The following RFXAP variants were observed in gnomAD, a reference collection of about 807,000 sequenced individuals.
The protein encoded by RFXAP is regulatory factor X-associated protein.
In RFXAP, 21 loss-of-function variants were observed where a neutral mutation model predicts 25.7. The ratio of observed to expected loss-of-function variants is 0.82; its 90% confidence interval spans 0.58 to 1.18. The LOEUF (loss-of-function observed/expected upper bound fraction) is 1.18, where lower values mean the gene tolerates loss of function less well. Ranked by LOEUF, RFXAP falls within the 50% of genes most tolerant of loss-of-function variation. The pLI, the probability that RFXAP is intolerant of heterozygous loss-of-function variation, is 0.00. For synonymous variants in RFXAP, 161 were observed against 152.2 expected (o/e 1.06, Z -0.43); for missense variants, 333 against 363.0 (o/e 0.92, Z 0.67).
Position 36,825,461 on chromosome 13 carries a change from C to T in RFXAP, c.634C>T (p.Gln212Ter). 6.2e-7 allele frequency: 1 copy of T among 1,612,878 alleles called. No individual in the cohort carries two copies. Reference sequence around the variant, plus strand: ...AGATAACATACTCTCCATTGTTAAACAAAGAACAGGATCTTTTGGGGATCG... The same window carrying T: ...AGATAACATACTCTCCATTGTTAAATAAAGAACAGGATCTTTTGGGGATCG... ...SADNILSIVK[Q>*]RTGSFGDRPA... The change falls in exon 2 of 3, where the codon CAA (glutamine) becomes TAA (stop). Residue 212 changes from glutamine to a stop codon, truncating the protein, a stop_gained. Transcript: ENST00000255476. LOFTEE classifies it high-confidence loss of function.
chr13:36,820,192 G>A (rs1379805502), intron 1 of RFXAP, among the ~76,000 whole-genome samples: 1 of 152,202 alleles, frequency 6.6e-6, no homozygotes, highest in East Asian at 1.9e-4. Context: ...TAAAAATAAT[G>A]TGACATCGGC....
intron 2 of RFXAP, 142 bp downstream of exon 2, chr13:36,825,677 A>C: frequency 1.8e-6 from 1 of 553,480 alleles, no homozygotes; most frequent in Non-Finnish European, 3.1e-6. Flanking sequence ...AATTTTAAAA[A>C]AAGAATCGGA....
intron 1 of RFXAP, among the ~76,000 whole-genome samples, chr13:36,823,931 G>A (rs772768839): frequency 2.0e-5 from 3 of 152,134 alleles, no homozygotes; most frequent in Non-Finnish European, 2.9e-5. Context: ...ATCACAAGGA[G>A]TATGTATTTC....
intron 1 of RFXAP, among the ~76,000 whole-genome samples, chr13:36,824,882 G>A (rs1372610732): frequency 6.6e-6 from 1 of 152,076 alleles, no homozygotes; most frequent in Non-Finnish European, 1.5e-5. Context: ...TTGGTTATCA[G>A]TTGCTTCTTT....
intron 2 of RFXAP, among the ~76,000 whole-genome samples, chr13:36,825,995 G>A (rs991821386): frequency 3.7e-4 from 56 of 152,022 alleles, no homozygotes; most frequent in Admixed American, 1.2e-3. Flanking sequence ...GCAACGTAGC[G>A]AGACCCCATC....
chr13:36,823,305 A>G (rs1218396345), intron 1 of RFXAP, among the ~76,000 whole-genome samples: 1 of 152,262 alleles, frequency 6.6e-6, no homozygotes, highest in Non-Finnish European at 1.5e-5. Context: ...AAAGAGAAGT[A>G]GGAATACAGA....
chr13:36,819,525 C>A lies in RFXAP; in HGVS notation c.168C>A (p.Asp56Glu). The change falls in exon 1 of 3, where the codon GAC becomes GAA. Residue 56 changes from aspartate (D) to glutamate (E), a missense_variant. Transcript: ENST00000255476. ...LLVMQPCAGQ[D>E]EAAAPGGSVG... Reference sequence around the variant, plus strand: ...TGATGCAACCCTGTGCTGGGCAGGACGAGGCTGCGGCCCCCGGGGGCAGCG... The same window carrying A: ...TGATGCAACCCTGTGCTGGGCAGGAAGAGGCTGCGGCCCCCGGGGGCAGCG... 6.5e-7 allele frequency: 1 copy of A among 1,531,446 alleles called. No homozygotes were observed. Among genetic ancestry groups the A allele is most frequent in the Non-Finnish European group, 8.8e-7 (1 of 1,137,342 alleles). 94.9% of individuals were successfully genotyped at this position (1,531,446 alleles called of 1,614,324 possible). A position where few individuals can be genotyped will look rare whatever the true frequency, so the allele number is the denominator to read the frequency against.
At chr13:36,820,009 T>A (rs1482314964) in intron 1 of RFXAP, 52 bp downstream of exon 1, 1 of 1,597,148 alleles carries the variant, frequency 6.3e-7, no homozygotes, top group South Asian at 1.1e-5. Flanking sequence ...AGAAACCCGA[T>A]CTTAACGCAA....
chr13:36,824,765 C>T (rs944447762), intron 1 of RFXAP, among the ~76,000 whole-genome samples: 3 of 152,098 alleles, frequency 2.0e-5, no homozygotes, highest in East Asian at 1.9e-4. Flanking sequence ...AGTGAAATCT[C>T]AGGGTAATGG....
chr13:36,820,590 A>T (rs1385028687), intron 1 of RFXAP, among the ~76,000 whole-genome samples: 1 of 152,122 alleles, frequency 6.6e-6, no homozygotes, highest in Non-Finnish European at 1.5e-5. Flanking sequence ...TACTTAATAT[A>T]CTTTGTTCTC....
intron 2 of RFXAP, 125 bp downstream of exon 2, chr13:36,825,660 A>G (rs2057975941): frequency 1.7e-6 from 1 of 590,170 alleles, no homozygotes; most frequent in Non-Finnish European, 2.9e-6. Context: ...AATTCCTAAT[A>G]AGTCAAAATT....
chr13:36,819,430 G>T lies in RFXAP; in HGVS notation c.73G>T (p.Ala25Ser). ...ASGVPHPAALAPAAAPTLAPA... is the reference protein window; with the variant it reads ...ASGVPHPAALSPAAAPTLAPA... The stretch of plus-strand genomic sequence containing the variant: ...CGGCGTGCCCCACCCCGCGGCCCTA[G>T]CCCCGGCTGCGGCTCCCACCTTGGC... Residue 25 changes from alanine (A) to serine (S), a missense_variant, in exon 1 of 3, where the codon GCC becomes TCC. Ala to Ser is a moderately conservative substitution (Grantham distance 99, BLOSUM62 1). Transcript: ENST00000255476. The T allele has an allele frequency of 6.9e-7, 1 of 1,443,430 alleles. No individual in the cohort carries two copies. The highest frequency in any genetic ancestry group is 9.1e-7 in the Non-Finnish European group (1 of 1,100,000). 89.4% of individuals were successfully genotyped at this position (1,443,430 alleles called of 1,614,324 possible).
Position 36,819,520 on chromosome 13 carries a change from C to A in RFXAP, c.163C>A (p.Gln55Lys). 1 of 1,532,964 alleles carries A rather than the reference C, an allele frequency of 6.5e-7. No homozygotes were observed. Among genetic ancestry groups the A allele is most frequent in the South Asian group, 1.2e-5 (1 of 81,968 alleles). The allele number at this position is 1,532,964 out of a possible 1,614,324, so 95.0% of individuals were successfully genotyped here. ...TLLVMQPCAG[Q>K]DEAAAPGGSV... Reference sequence around the variant, plus strand: ...GCTAGTGATGCAACCCTGTGCTGGGCAGGACGAGGCTGCGGCCCCCGGGGG... The same window carrying A: ...GCTAGTGATGCAACCCTGTGCTGGGAAGGACGAGGCTGCGGCCCCCGGGGG... The change falls in exon 1 of 3, where the codon CAG (glutamine) becomes AAG (lysine). Residue 55 changes from glutamine (Q) to lysine (K), a missense_variant. Gln to Lys is a moderately conservative substitution (Grantham distance 53). Transcript: ENST00000255476.
At chr13:36,822,992 A>G (rs2057967767) in intron 1 of RFXAP, among the ~76,000 whole-genome samples, 2 of 152,342 alleles carry the variant, frequency 1.3e-5, no homozygotes, top group South Asian at 4.1e-4. Flanking sequence ...GTGACTCAGT[A>G]TAAACCAGAA....
intron 1 of RFXAP, among the ~76,000 whole-genome samples, chr13:36,821,214 TAAAAAAAAAAAAAAA>T: frequency 9.5e-6 from 1 of 104,844 alleles, no homozygotes; most frequent in East Asian, 2.4e-4. Flanking sequence ...CCTGTCTCCT[TAAAAAAAAAAAAAAA>T]AAAAAAAAAA....
chr13:36,824,601 A>T (rs527504157), intron 1 of RFXAP, among the ~76,000 whole-genome samples: 1 of 152,256 alleles, frequency 6.6e-6, no homozygotes, highest in Admixed American at 6.5e-5. Flanking sequence ...AGAATTTTGG[A>T]TGTGGTATTG....
At chr13:36,827,621 A>G (rs1401078705) in intron 2 of RFXAP, 22 bp from the exon 3 acceptor site, 2 of 1,540,808 alleles carry the variant, frequency 1.3e-6, no homozygotes, top group African/African-American at 2.7e-5. Flanking sequence ...GCTATTAATA[A>G]TTTTTTTCTT....
Position 36,828,001 on chromosome 13 carries a change from A to G in RFXAP, c.*248A>G, listed in dbSNP as rs2057983795. On this transcript the variant is annotated 3_prime_UTR_variant, in exon 3 of 3. Coordinates refer to ENST00000255476, the MANE Select transcript of RFXAP (RefSeq NM_000538.4). ...ATTTAATTATAATGTTTTTTAAAAAATATATTCCTCTTCAGTCATTGTTAC... is the reference window on the plus strand; with the variant it reads ...ATTTAATTATAATGTTTTTTAAAAAGTATATTCCTCTTCAGTCATTGTTAC... The G allele has an allele frequency of 4.4e-6, 2 of 451,508 alleles. No homozygotes were observed. The highest frequency in any genetic ancestry group is 4.0e-6 in the Non-Finnish European group (1 of 253,104). The allele number at this position is 451,508 out of a possible 1,614,324, so 28.0% of individuals were successfully genotyped here. A position where few individuals can be genotyped will look rare whatever the true frequency, so the allele number is the denominator to read the frequency against.
At chr13:36,821,656 T>C (rs2057963363) in intron 1 of RFXAP, among the ~76,000 whole-genome samples, 2 of 152,170 alleles carry the variant, frequency 1.3e-5, no homozygotes, top group Non-Finnish European at 2.9e-5. Context: ...AGCAAGACTT[T>C]GTCTCAAAAA....
Sources: allele counts gnomAD v4.1 joint callset (sites outside exome capture counted in the v4.1 genomes callset), GRCh38; gene constraint gnomAD v4.1.1; transcripts MANE v1.5; gene names NCBI Gene and HGNC (gene_info 2026-07-23, HGNC 2026-07-21).